Variants in SLC35F4 observed in about 807,000 individuals in gnomAD.
The protein encoded by SLC35F4 is chromosome 14 open reading frame 36.
Under a neutral mutation model 44.2 loss-of-function variants are expected in SLC35F4, and 24 were observed. The observed-to-expected ratio is 0.54, with a 90% CI of 0.39 to 0.76. The LOEUF (loss-of-function observed/expected upper bound fraction) is 0.76. SLC35F4 is among the 30% of genes least tolerant of loss of function. SLC35F4 has a pLI of 0.00. For missense variants in SLC35F4, 562 were observed against 586.1 expected (o/e 0.96, Z 0.42); for synonymous variants, 238 against 223.6 (o/e 1.06, Z -0.57).
intron 1 of SLC35F4, among the ~76,000 whole-genome samples, chr14:57,949,484 G>A (rs56398209): frequency 0.072 from 10,920 of 152,138 alleles, 558 homozygotes; most frequent in Non-Finnish European, 0.11. Context: ...TATCCATTCT[G>A]CCATTCTGTA....
At chr14:57,687,317 G>A (rs1479159691) in intron 1 of SLC35F4, among the ~76,000 whole-genome samples, 1 of 152,088 alleles carries the variant, frequency 6.6e-6, no homozygotes, top group Non-Finnish European at 1.5e-5. Context: ...TGGTACCATG[G>A]GACGTATTGA....
At chr14:57,979,566 T>C (rs1179379751) in intron 1 of SLC35F4, among the ~76,000 whole-genome samples, 1 of 152,164 alleles carries the variant, frequency 6.6e-6, no homozygotes, top group African/African-American at 2.4e-5. Context: ...ATGCAAAGAA[T>C]ACTCAGCTTT....
rs1160199410 is a variant in SLC35F4 at position 57,930,456 on chromosome 14, G to A, written n.282+51457C>T. Among the ~76,000 whole-genome samples the A allele has an allele frequency of 2.0e-5, 3 of 152,040 alleles. 1 individual carries two copies. The South Asian group carries it at 6.2e-4, about 32-fold the overall frequency. On this transcript the variant is annotated intron_variant and non_coding_transcript_variant, in intron 1 of 1. Transcript: ENST00000556568. ...CTCTGACTCTGACCACCACCACGTG[G>A]AAACACCAGGCATCATCCAGATTTT...
Position 57,888,574 on chromosome 14 carries a change from T to C in SLC35F4, n.282+93339A>G, listed in dbSNP as rs147132796. 1.6e-3 allele frequency among the ~76,000 whole-genome samples: 241 copies of C among 152,320 alleles called. 1 individual carries two copies. The highest frequency in any genetic ancestry group is 0.015 in the East Asian group (78 of 5,182). ...ATAATAAATGCTCAATAACGACCAG[T>C]TGTTGCTATTACGTTATTATTATCA... On this transcript the variant is annotated intron_variant and non_coding_transcript_variant, in intron 1 of 1. Transcript: ENST00000556568.
intron 1 of SLC35F4, among the ~76,000 whole-genome samples, chr14:57,963,099 C>T (rs1890368779): frequency 6.6e-6 from 1 of 152,178 alleles, no homozygotes. Context: ...TTCATCTAGA[C>T]CCTCTCTCTT....
chr14:57,784,599 C>T (rs781475520), intron 1 of SLC35F4, among the ~76,000 whole-genome samples: 1 of 152,092 alleles, frequency 6.6e-6, no homozygotes. Flanking sequence ...ATCTCTTGCG[C>T]CCAGGAGGTT....
intron 1 of SLC35F4, among the ~76,000 whole-genome samples, chr14:57,663,634 A>G (rs1253843498): frequency 6.6e-6 from 1 of 152,178 alleles, no homozygotes; most frequent in African/African-American, 2.4e-5. Flanking sequence ...TTAGTCGGTA[A>G]CACGTTTTGG....
intron 1 of SLC35F4, among the ~76,000 whole-genome samples, chr14:57,595,182 A>G (rs1352071486): frequency 6.6e-6 from 1 of 152,228 alleles, no homozygotes; most frequent in African/African-American, 2.4e-5. Flanking sequence ...CTTGTTTATC[A>G]TAACCTTGAC....
chr14:57,669,478 A>C (rs1024516330), intron 1 of SLC35F4, among the ~76,000 whole-genome samples: 1 of 152,048 alleles, frequency 6.6e-6, no homozygotes, highest in African/African-American at 2.4e-5. Context: ...TGTCATAGAT[A>C]GCTCCTATTA....
chr14:57,880,159 C>A (rs1011970966), intron 1 of SLC35F4, among the ~76,000 whole-genome samples: 1 of 151,968 alleles, frequency 6.6e-6, no homozygotes, highest in African/African-American at 2.4e-5. Context: ...TCTACAGTTT[C>A]CTCATTTTTA....
At chr14:57,713,571 C>A (rs542667091) in intron 1 of SLC35F4, among the ~76,000 whole-genome samples, 1 of 152,256 alleles carries the variant, frequency 6.6e-6, no homozygotes, top group South Asian at 2.1e-4. Context: ...AGTGCCAGAA[C>A]AAAACTGGGT....
At chr14:57,596,868 G>A in intron 1 of SLC35F4, 2 of 1,367,516 alleles carry the variant, frequency 1.5e-6, no homozygotes, top group Non-Finnish European at 2.0e-6. Flanking sequence ...TGGTCAGTTT[G>A]TGGAAGAGAT....
At chr14:57,622,828 AAAAAAT>A (rs1363030782) in intron 1 of SLC35F4, among the ~76,000 whole-genome samples, 2 of 151,908 alleles carry the variant, frequency 1.3e-5, no homozygotes, top group Admixed American at 6.6e-5. Context: ...ATAAAAAAAT[AAAAAAT>A]AAAAATAAAA....
At chr14:57,976,027 G>A (rs1271330064), downstream of SLC35F4, among the ~76,000 whole-genome samples, 2 of 152,152 alleles carry the variant, frequency 1.3e-5, no homozygotes, top group Non-Finnish European at 2.9e-5. Context: ...TAAAATGAAA[G>A]AGCAGGAGTG....
At chr14:57,946,765 C>T (rs1269820215) in intron 1 of SLC35F4, among the ~76,000 whole-genome samples, 1 of 152,050 alleles carries the variant, frequency 6.6e-6, no homozygotes, top group Non-Finnish European at 1.5e-5. Flanking sequence ...CATGAGCCAC[C>T]ACGTTGGCCA....
At chr14:57,576,204 C>T (rs76268018) in intron 4 of SLC35F4, among the ~76,000 whole-genome samples, 8,303 of 152,236 alleles carry the variant, frequency 0.055, 228 homozygotes, top group Non-Finnish European at 0.059. Flanking sequence ...TCTCTTCCTA[C>T]AGTGTTCCTT....
intron 1 of SLC35F4, among the ~76,000 whole-genome samples, chr14:57,660,278 G>T (rs2074096313): frequency 6.6e-6 from 1 of 152,062 alleles, no homozygotes; most frequent in South Asian, 2.1e-4. Context: ...ATATTGCAGA[G>T]TATACAAATA....
At chr14:57,668,793 G>C (rs2074407977) in intron 1 of SLC35F4, among the ~76,000 whole-genome samples, 2 of 152,094 alleles carry the variant, frequency 1.3e-5, no homozygotes, top group Admixed American at 1.3e-4. Context: ...TTTTGGCTTA[G>C]GATTGACTTG....
chr14:57,829,416 AT>A (rs1219342035), intron 1 of SLC35F4, among the ~76,000 whole-genome samples: 1 of 152,174 alleles, frequency 6.6e-6, no homozygotes, highest in Non-Finnish European at 1.5e-5. Flanking sequence ...GTCATACTTT[AT>A]TAATGAGAAA....
Sources: allele counts gnomAD v4.1 joint callset (sites outside exome capture counted in the v4.1 genomes callset), GRCh38; gene constraint gnomAD v4.1.1; transcripts MANE v1.5; gene names NCBI Gene and HGNC (gene_info 2026-07-23, HGNC 2026-07-21).